ANKRD27: variants seen among roughly 807,000 people sequenced by gnomAD.
ANKRD27 encodes ankyrin repeat domain-containing protein 27.
ANKRD27 carries 112 observed loss-of-function variants against 129.7 expected under a neutral mutation model. The ratio of observed to expected loss-of-function variants is 0.86; its 90% CI spans 0.74 to 1.01. The LOEUF (loss-of-function observed/expected upper bound fraction) is 1.01. ANKRD27 is among the 50% of genes least tolerant of loss of function. The probability of loss-of-function intolerance (pLI) is 0.00; values close to 1 mark genes in which losing one functional copy is unlikely to be tolerated. For missense variants in ANKRD27, 1,258 were observed against 1,300.5 expected (o/e 0.97, Z 0.50); for synonymous variants, 516 against 511.2 (o/e 1.01, Z -0.13).
intron 22 of ANKRD27, among the ~76,000 whole-genome samples, chr19:32,610,285 G>A (rs1971815151): frequency 6.6e-6 from 1 of 151,608 alleles, no homozygotes; most frequent in South Asian, 2.1e-4. Flanking sequence ...ACTCCAGCCT[G>A]GCGACAGAGC....
chr19:32,657,410 C>A (rs970921954), intron 2 of ANKRD27, among the ~76,000 whole-genome samples: 1 of 150,620 alleles, frequency 6.6e-6, no homozygotes, highest in South Asian at 2.1e-4. Context: ...TGCAGTGAGT[C>A]GAGATTGCGC....
Position 32,619,570 on chromosome 19 carries a change from G to T in ANKRD27, c.1828-17C>A, listed in dbSNP as rs1373566705. The T allele has an allele frequency of 6.2e-7, 1 of 1,614,016 alleles. No homozygotes were observed. Among genetic ancestry groups the T allele is most frequent in the South Asian group, 1.1e-5 (1 of 91,080 alleles). ...AGACAGAATCTAGGGGGACAAGGGGGATGCCAACAGTACCCCGTGAGATGG... is the reference window on the plus strand; with the variant it reads ...AGACAGAATCTAGGGGGACAAGGGGTATGCCAACAGTACCCCGTGAGATGG... On this transcript the variant is annotated splice_polypyrimidine_tract_variant and intron_variant, in intron 18 of 28. Transcript: ENST00000306065.
intron 3 of ANKRD27, among the ~76,000 whole-genome samples, chr19:32,648,785 C>T (rs1357735812): frequency 4.4e-5 from 6 of 135,692 alleles, no homozygotes; most frequent in African/African-American, 1.8e-4. Flanking sequence ...GGTGACAGAG[C>T]AAGATTCCAT....
chr19:32,643,766 CTTT>C (rs78565774), intron 5 of ANKRD27, 135 bp from the exon 6 acceptor site: 4 of 829,264 alleles, frequency 4.8e-6, no homozygotes, highest in Non-Finnish European at 7.7e-6. Context: ...TTTTTCTCAA[CTTT>C]TTTTTTAGGT....
chr19:32,600,107 TA>T, intron 26 of ANKRD27, 57 bp from the exon 27 acceptor site: 1 of 1,248,184 alleles, frequency 8.0e-7, no homozygotes, highest in Non-Finnish European at 1.2e-6. Context: ...AAGATTATTT[TA>T]AAATTACAGC....
At chr19:32,637,173 C>T (rs1009652055) in intron 12 of ANKRD27, 14 of 152,230 alleles carry the variant, frequency 9.2e-5, no homozygotes, top group African/African-American at 3.4e-4. Flanking sequence ...CCTGGACAGG[C>T]TGATGCTGTC....
At chr19:32,606,490 G>C (rs1450167696) in intron 23 of ANKRD27, among the ~76,000 whole-genome samples, 2 of 105,522 alleles carry the variant, frequency 1.9e-5, no homozygotes, top group African/African-American at 6.3e-5. Context: ...AGACTCTCAG[G>C]AGAAAAGGGA....
At chr19:32,645,466 T>C (rs754586033) in intron 4 of ANKRD27, among the ~76,000 whole-genome samples, 4 of 151,742 alleles carry the variant, frequency 2.6e-5, no homozygotes, top group Non-Finnish European at 4.4e-5. Flanking sequence ...GGAGATAGGG[T>C]CTTGTTCTGT....
At chr19:32,601,408 A>G (rs1224057079) in intron 26 of ANKRD27, among the ~76,000 whole-genome samples, 1 of 152,086 alleles carries the variant, frequency 6.6e-6, no homozygotes, top group Admixed American at 6.6e-5. Context: ...CATCCTGGCT[A>G]ACACGGTGAA....
intron 24 of ANKRD27, among the ~76,000 whole-genome samples, chr19:32,605,275 G>A (rs1340345953): frequency 6.6e-6 from 1 of 152,170 alleles, no homozygotes; most frequent in Non-Finnish European, 1.5e-5. Context: ...TAGCTGGGAG[G>A]CTGAGGCACC....
chr19:32,646,870 G>A (rs1477532630), intron 3 of ANKRD27, among the ~76,000 whole-genome samples: 1 of 152,142 alleles, frequency 6.6e-6, no homozygotes, highest in Non-Finnish European at 1.5e-5. Context: ...CCATCACCCA[G>A]GCTGGAGTGC....
At position 32,607,721 on chromosome 19, in the gene ANKRD27, G is replaced by A. The variant is rs777728491; in HGVS notation, c.2287C>T (p.Leu763=). 2 of 1,613,194 alleles carry A rather than the reference G, an allele frequency of 1.2e-6. No homozygotes were observed. The highest frequency in any genetic ancestry group is 1.1e-5 in the South Asian group (1 of 90,976). ...LHGRADLIPL[L]LKHGANAGAR... is the part of the protein sequence containing the mutation. ...CCTGCGTTGGCCCCGTGCTTCAGCAGGAGGGGGATGAGGTCCGCCCGGCCG... is the reference window on the plus strand; with the variant it reads ...CCTGCGTTGGCCCCGTGCTTCAGCAAGAGGGGGATGAGGTCCGCCCGGCCG... The change falls in exon 23 of 29, where the codon CTG becomes TTG. Residue 763 remains leucine, a synonymous_variant. Coordinates refer to ENST00000306065, the MANE Select transcript of ANKRD27 (RefSeq NM_032139.3).
At chr19:32,609,956 G>A (rs575726226) in intron 22 of ANKRD27, among the ~76,000 whole-genome samples, 14 of 151,572 alleles carry the variant, frequency 9.2e-5, no homozygotes, top group African/African-American at 2.4e-4. Flanking sequence ...CAGGAGGATC[G>A]CTTGGGCCCA....
intron 1 of ANKRD27, among the ~76,000 whole-genome samples, chr19:32,671,444 T>A (rs1037877094): frequency 3.3e-5 from 5 of 152,202 alleles, no homozygotes; most frequent in African/African-American, 1.2e-4. Context: ...ACACCTGTAA[T>A]CCCAGCATTT....
Position 32,642,106 on chromosome 19 carries a change from C to T in ANKRD27, c.822G>A (p.Leu274=). 2 of 1,609,456 alleles carry T rather than the reference C, an allele frequency of 1.2e-6. No homozygotes were observed. Among genetic ancestry groups the T allele is most frequent in the Non-Finnish European group, 1.7e-6 (2 of 1,177,128 alleles). ...TCTGCTGTGGGGAGGTGCATTTGTTCAGCTGAGCCAGCTCTCTTTTGGCAC... is the reference window on the plus strand; with the variant it reads ...TCTGCTGTGGGGAGGTGCATTTGTTTAGCTGAGCCAGCTCTCTTTTGGCAC... ...IPRAKRELAQ[L]NKCTSPQQKL... is the part of the protein sequence containing the mutation. Residue 274 remains leucine, a synonymous_variant, in exon 10 of 29, where the codon CTG becomes CTA. Transcript: ENST00000306065.
chr19:32,615,833 C>T (rs1339254028), intron 21 of ANKRD27, 53 bp from the exon 22 acceptor site: 14 of 1,587,496 alleles, frequency 8.8e-6, no homozygotes, highest in Non-Finnish European at 1.2e-5. Context: ...TCTTTGCATG[C>T]ACAATATCTT....
rs759529512 is a variant in ANKRD27, at chr19:32,643,621, T to A, written c.536A>T (p.Asn179Ile). The A allele has an allele frequency of 6.2e-7, 1 of 1,613,908 alleles. No homozygotes were observed. Among genetic ancestry groups the A allele is most frequent in the Non-Finnish European group, 8.5e-7 (1 of 1,180,006 alleles). Residue 179 changes from asparagine (N) to isoleucine (I), a missense_variant, in exon 6 of 29, where the codon AAT becomes ATT. Asn to Ile is a moderately radical substitution (Grantham distance 149, BLOSUM62 -3). Coordinates refer to ENST00000306065, the MANE Select transcript of ANKRD27 (RefSeq NM_032139.3). ...KSLRHHIDSA[N>I]ALYTKCLQQL... ...CTGGAGGCATTTGGTGTAGAGAGCA[T>A]TCGCTGAGTCCTAAACCACATAGAG... is the stretch of plus-strand genomic sequence containing the variant.
chr19:32,666,760 C>T (rs1967766564), intron 1 of ANKRD27, among the ~76,000 whole-genome samples: 1 of 151,202 alleles, frequency 6.6e-6, no homozygotes, highest in Admixed American at 6.6e-5. Flanking sequence ...TCTCCTGCTG[C>T]CTCAGCCTCC....
At chr19:32,605,577 G>A (rs920577048) in intron 24 of ANKRD27, among the ~76,000 whole-genome samples, 3 of 152,162 alleles carry the variant, frequency 2.0e-5, no homozygotes, top group South Asian at 2.1e-4. Context: ...ACACATTCCC[G>A]GTCGGTGAGG....
Sources: allele counts gnomAD v4.1 joint callset (sites outside exome capture counted in the v4.1 genomes callset), GRCh38; gene constraint gnomAD v4.1.1; transcripts MANE v1.5; gene names NCBI Gene and HGNC (gene_info 2026-07-23, HGNC 2026-07-21).